Variants in KHDRBS3 observed in about 807,000 individuals in gnomAD.
KHDRBS3 encodes the protein KH domain-containing, RNA-binding, signal transduction-associated protein 3.
Under a neutral mutation model 45.6 loss-of-function variants are expected in KHDRBS3, and 23 were observed. That is an observed-to-expected ratio of 0.50 (90% CI 0.36 to 0.72). KHDRBS3 has a LOEUF of 0.72. KHDRBS3 is among the 30% of genes least tolerant of loss of function. KHDRBS3 has a pLI of 0.00. For missense variants in KHDRBS3, 352 were observed against 424.8 expected (o/e 0.83, Z 1.51); for synonymous variants, 162 against 156.5 (o/e 1.04, Z -0.26).
At chr8:135,604,416 T>A (rs1026006573) in intron 6 of KHDRBS3, among the ~76,000 whole-genome samples, 13 of 152,076 alleles carry the variant, frequency 8.5e-5, no homozygotes, top group Admixed American at 3.9e-4. Flanking sequence ...TTACACTTAA[T>A]GTAATTACTG....
At chr8:135,635,537 C>A (rs1290006760) in intron 7 of KHDRBS3, among the ~76,000 whole-genome samples, 4 of 152,174 alleles carry the variant, frequency 2.6e-5, no homozygotes, top group Non-Finnish European at 5.9e-5. Flanking sequence ...GCATGCGCCA[C>A]CATGCCTGGC....
rs559623000 is a variant in KHDRBS3 at position 135,507,541 on chromosome 8, A to AT, written c.89-13686dup. On this transcript the variant is annotated intron_variant, in intron 1 of 8. Transcript: ENST00000355849. ...GCCATTGACTGGCCATGGTGTACTT[A>AT]TTTTTTTTTTAACGAAATCCCTACG... 7.5e-3 allele frequency among the ~76,000 whole-genome samples: 1,119 copies of AT among 149,512 alleles called. 5 individuals carry two copies. The highest frequency in any genetic ancestry group is 0.019 in the African/African-American group (777 of 40,924).
At chr8:135,605,523 T>C (rs1829418716) in intron 6 of KHDRBS3, among the ~76,000 whole-genome samples, 1 of 152,180 alleles carries the variant, frequency 6.6e-6, no homozygotes, top group South Asian at 2.1e-4. Flanking sequence ...CTTTGTTTGA[T>C]GAGACACTGT....
chr8:135,586,463 A>G (rs1718648385), intron 6 of KHDRBS3, among the ~76,000 whole-genome samples: 2 of 152,084 alleles, frequency 1.3e-5, no homozygotes, highest in Admixed American at 6.5e-5. Flanking sequence ...GAATTAAATA[A>G]CCTCTGTGTT....
intron 2 of KHDRBS3, chr8:135,540,849 G>A (rs1176746885): frequency 1.3e-5 from 2 of 152,158 alleles, no homozygotes; most frequent in South Asian, 2.1e-4. Flanking sequence ...TCAGCAATCC[G>A]GAATTTTTAA....
At chr8:135,623,392 C>T (rs925723301) in intron 7 of KHDRBS3, among the ~76,000 whole-genome samples, 2 of 152,104 alleles carry the variant, frequency 1.3e-5, no homozygotes, top group Non-Finnish European at 2.9e-5. Flanking sequence ...TTGAGCGAGC[C>T]GCACAGTAAA....
At chr8:135,460,495 C>A (rs1232285521) in intron 1 of KHDRBS3, among the ~76,000 whole-genome samples, 1 of 152,240 alleles carries the variant, frequency 6.6e-6, no homozygotes, top group African/African-American at 2.4e-5. Context: ...AATTTGAAAT[C>A]TCAGGTCTTC....
At chr8:135,460,271 C>T (rs1821364853) in intron 1 of KHDRBS3, among the ~76,000 whole-genome samples, 1 of 152,184 alleles carries the variant, frequency 6.6e-6, no homozygotes, top group African/African-American at 2.4e-5. Flanking sequence ...TAGAATGGGC[C>T]AGCATGGCAA....
At chr8:135,528,966 GC>G (rs1355811532) in intron 2 of KHDRBS3, among the ~76,000 whole-genome samples, 1 of 152,178 alleles carries the variant, frequency 6.6e-6, no homozygotes. Flanking sequence ...TGAAACCATA[GC>G]AGCTGGCTAG....
At chr8:135,483,953 G>A (rs1280415290) in intron 1 of KHDRBS3, among the ~76,000 whole-genome samples, 1 of 152,152 alleles carries the variant, frequency 6.6e-6, no homozygotes, top group Non-Finnish European at 1.5e-5. Context: ...AGACAGGATA[G>A]CATGGTGATG....
rs183137690 is a variant in KHDRBS3 at position 135,579,842 on chromosome 8, C to A, written c.612-2036C>A. On this transcript the variant is annotated intron_variant, in intron 5 of 8. Transcript: ENST00000355849. ...TCCTACTTGGTTATGGTGTATAATT[C>A]TTTTAGCACATTATGGAATGGAGTT... Among the ~76,000 whole-genome samples, 6 of 152,250 alleles carry A rather than the reference C, an allele frequency of 3.9e-5. No homozygotes were observed. In the East Asian group the frequency reaches 7.7e-4, roughly 20 times the overall value.
chr8:135,503,115 A>C (rs1823815200), intron 1 of KHDRBS3, among the ~76,000 whole-genome samples: 1 of 152,208 alleles, frequency 6.6e-6, no homozygotes, highest in South Asian at 2.1e-4. Context: ...TCATCACTGC[A>C]CATCTGTGGT....
downstream of KHDRBS3, among the ~76,000 whole-genome samples, chr8:135,652,546 A>G (rs994116145): frequency 2.0e-5 from 3 of 152,210 alleles, no homozygotes; most frequent in South Asian, 2.1e-4. Context: ...GAGCTTTTCT[A>G]TCAGTGCCAT....
At chr8:135,487,999 T>G (rs12678148) in intron 1 of KHDRBS3, among the ~76,000 whole-genome samples, 83,831 of 152,052 alleles carry the variant, frequency 0.55, 24,238 homozygotes, top group East Asian at 0.78. Context: ...TGTGTTTTAT[T>G]GTTTTCACAA....
At chr8:135,652,034 T>C (rs1249320748), downstream of KHDRBS3, among the ~76,000 whole-genome samples, 2 of 152,218 alleles carry the variant, frequency 1.3e-5, no homozygotes, top group Non-Finnish European at 2.9e-5. Context: ...AATGAAAATA[T>C]GAGACATTTT....
At chr8:135,649,667 T>C (rs1831388751), downstream of KHDRBS3, among the ~76,000 whole-genome samples, 1 of 152,208 alleles carries the variant, frequency 6.6e-6, no homozygotes, top group Non-Finnish European at 1.5e-5. Context: ...ATCTCTGTAG[T>C]GTGTGATGTT....
chr8:135,469,290 G>A (rs1307048486), intron 1 of KHDRBS3, among the ~76,000 whole-genome samples: 2 of 152,184 alleles, frequency 1.3e-5, no homozygotes, highest in Non-Finnish European at 2.9e-5. Flanking sequence ...AGGAAGGACC[G>A]TCTGTTTTTT....
At chr8:135,521,422 A>G (rs1824902484) in intron 2 of KHDRBS3, 67 bp downstream of exon 2, 3 of 868,814 alleles carry the variant, frequency 3.5e-6, no homozygotes, top group Admixed American at 4.3e-5. Context: ...TGTTTAATTT[A>G]TATTCTGTTT....
chr8:135,522,822 A>G (rs1217038281), intron 2 of KHDRBS3, among the ~76,000 whole-genome samples: 1 of 152,196 alleles, frequency 6.6e-6, no homozygotes, highest in Non-Finnish European at 1.5e-5. Flanking sequence ...TAGATCTCAA[A>G]TGAATTTTTG....
Sources: gnomAD v4.1 joint callset for allele counts (sites outside exome capture counted in the v4.1 genomes callset) on GRCh38, gnomAD v4.1.1 for gene constraint, MANE v1.5 for transcripts, NCBI Gene and HGNC (gene_info 2026-07-23, HGNC 2026-07-21) for gene names.